Variants in PIAS1 observed in about 807,000 individuals in gnomAD.
The protein encoded by PIAS1 is E3 SUMO-protein ligase PIAS1.
Under a neutral mutation model 71.3 loss-of-function variants are expected in PIAS1, and 6 were observed. The ratio of observed to expected loss-of-function variants is 0.08; its 90% CI spans 0.05 to 0.17. The LOEUF is 0.17. PIAS1 is among the 10% of genes least tolerant of loss of function. The probability of loss-of-function intolerance (pLI) is 1.00; values close to 1 mark genes in which losing one functional copy is unlikely to be tolerated. For synonymous variants in PIAS1, 303 were observed against 292.9 expected, an observed-to-expected ratio of 1.03 and a Z score of -0.35; for missense variants, 555 against 793.6, an observed-to-expected ratio of 0.70 and a Z score of 3.61.
chr15:68,055,897 A>G (rs915368608), intron 1 of PIAS1: 1 of 701,358 alleles, frequency 1.4e-6, no homozygotes, highest in Non-Finnish European at 2.6e-6. Flanking sequence ...TTTACACTCC[A>G]AGATTCGTAT....
At chr15:68,127,052 T>A (rs1393935664) in intron 2 of PIAS1, among the ~76,000 whole-genome samples, 2 of 152,088 alleles carry the variant, frequency 1.3e-5, no homozygotes, top group Non-Finnish European at 2.9e-5. Flanking sequence ...TGCCTCAGGC[T>A]CCCGAGTAGC....
At chr15:68,153,786 T>C (rs1300742154) in intron 7 of PIAS1, 91 bp downstream of exon 7, 3 of 684,908 alleles carry the variant, frequency 4.4e-6, no homozygotes, top group Admixed American at 4.7e-5. Flanking sequence ...AGAATTTGTT[T>C]ATTCACTGGA....
chr15:68,084,408 T>C (rs995572709), intron 1 of PIAS1, among the ~76,000 whole-genome samples: 6 of 152,206 alleles, frequency 3.9e-5, no homozygotes, highest in Non-Finnish European at 5.9e-5. Flanking sequence ...TAAAAGTCTT[T>C]AGAAGTATTT....
In PIAS1 at chr15:68,189,634, G is replaced by GTA. The variant is rs201619881; in HGVS notation, c.*1803_*1804dup. The GTA allele has an allele frequency of 4.6e-5, 7 of 152,082 alleles. No homozygotes were observed. The highest frequency in any genetic ancestry group is 1.7e-4 in the African/African-American group (7 of 41,408). The allele number at this position is 152,082 out of a possible 1,614,324, so 9.4% of individuals were successfully genotyped here. ...GAAAAAAAAAAGTTGGTGTTGATAT[G>GTA]TATATGTGTGTGTGTATATATGTAT... On this transcript the variant is annotated 3_prime_UTR_variant, in exon 14 of 14. Coordinates refer to ENST00000249636, the MANE Select transcript of PIAS1 (RefSeq NM_016166.3).
At chr15:68,063,582 A>G (rs1264159628) in intron 1 of PIAS1, among the ~76,000 whole-genome samples, 4 of 152,188 alleles carry the variant, frequency 2.6e-5, no homozygotes, top group Non-Finnish European at 5.9e-5. Context: ...GGTGATTTTA[A>G]TATATTATCA....
chr15:68,089,093 G>A (rs1033433316), intron 2 of PIAS1, among the ~76,000 whole-genome samples: 2 of 152,136 alleles, frequency 1.3e-5, no homozygotes, highest in African/African-American at 4.8e-5. Context: ...TTAAGCACTA[G>A]ATTTAAACAG....
At position 68,173,869 on chromosome 15, in the gene PIAS1, A is replaced by T. The variant is rs767861365; in HGVS notation, c.1146A>T (p.Pro382=). Reference sequence around the variant, plus strand: ...GTCCTGTCTGTGATAAGAAGGCTCCATATGAACACCTTATTATTGATGGGT... The same window carrying T: ...GTCCTGTCTGTGATAAGAAGGCTCCTTATGAACACCTTATTATTGATGGGT... ...WVCPVCDKKA[P]YEHLIIDGLF... is the part of the protein sequence containing the mutation. Residue 382 remains proline (P), a synonymous_variant, in exon 9 of 14, where the codon CCA becomes CCT. Transcript: ENST00000249636. The surrounding 1 kb of genome is among the most constrained non-coding windows in gnomAD (Gnocchi z 4.3). 9 of 1,573,848 alleles carry T rather than the reference A, an allele frequency of 5.7e-6. No homozygotes were observed. The highest frequency in any genetic ancestry group is 7.8e-6 in the Non-Finnish European group (9 of 1,153,306).
chr15:68,121,703 A>G (rs1392767511), intron 2 of PIAS1, among the ~76,000 whole-genome samples: 2 of 152,016 alleles, frequency 1.3e-5, no homozygotes, highest in Non-Finnish European at 2.9e-5. Flanking sequence ...GAGATTTCCT[A>G]ATTGTTTATC....
chr15:68,161,904 G>A (rs553966858), intron 7 of PIAS1, among the ~76,000 whole-genome samples: 79 of 151,264 alleles, frequency 5.2e-4, no homozygotes, highest in African/African-American at 1.8e-3. Context: ...ACTCCAGCCT[G>A]GGTGACAGAG....
rs1288909368 is a variant in PIAS1, at chr15:68,188,889, A to G, written c.*1054A>G. 3 of 152,238 alleles carry G rather than the reference A, an allele frequency of 2.0e-5. No homozygotes were observed. The highest frequency in any genetic ancestry group is 4.4e-5 in the Non-Finnish European group (3 of 68,044). The allele number at this position is 152,238 out of a possible 1,614,324, so 9.4% of individuals were successfully genotyped here. A position where few individuals can be genotyped will look rare whatever the true frequency, so the allele number is the denominator to read the frequency against. On this transcript the variant is annotated 3_prime_UTR_variant, in exon 14 of 14. Transcript: ENST00000249636. ...GTGCAGCTGACAGAGGTAATGTTAC[A>G]TCACCTAAAAAAGAAAGATACACGG...
chr15:68,084,982 T>C (rs915714608), intron 1 of PIAS1, among the ~76,000 whole-genome samples: 1 of 152,184 alleles, frequency 6.6e-6, no homozygotes, highest in Non-Finnish European at 1.5e-5. Flanking sequence ...CTCATATTTC[T>C]TTGATTAACC....
At chr15:68,070,047 A>C (rs1413312463) in intron 1 of PIAS1, among the ~76,000 whole-genome samples, 3 of 152,142 alleles carry the variant, frequency 2.0e-5, no homozygotes, top group Non-Finnish European at 2.9e-5. Flanking sequence ...TGGAGGAAGG[A>C]GATGTGGGAG....
chr15:68,159,789 C>G (rs933723380), intron 7 of PIAS1, among the ~76,000 whole-genome samples: 1 of 152,102 alleles, frequency 6.6e-6, no homozygotes, highest in African/African-American at 2.4e-5. Context: ...TTACATTTTG[C>G]ATATGGATAC....
chr15:68,072,970 GT>G (rs1362894634), intron 1 of PIAS1, among the ~76,000 whole-genome samples: 3 of 152,056 alleles, frequency 2.0e-5, no homozygotes, highest in African/African-American at 7.2e-5. Flanking sequence ...TAGGCACTGG[GT>G]ACATTTATAT....
Position 68,173,745 on chromosome 15 carries a change from G to A in PIAS1, c.1022G>A (p.Arg341Gln), listed in dbSNP as rs770873570. 4 of 1,535,112 alleles carry A rather than the reference G, an allele frequency of 2.6e-6. No individual in the cohort carries two copies. The highest frequency in any genetic ancestry group is 3.5e-6 in the Non-Finnish European group (4 of 1,130,574). ...VSLLCPLGKMRLTIPCRALTC... is the reference protein window; with the variant it reads ...VSLLCPLGKMQLTIPCRALTC... ...CCCTTTTTAAAGCTTGGTAAAATGC[G>A]GCTGACAATTCCGTGTCGGGCCCTT... is the stretch of plus-strand genomic sequence containing the variant. Residue 341 changes from arginine (R) to glutamine (Q), a missense_variant, in exon 9 of 14, where the codon CGG becomes CAG. Coordinates refer to ENST00000249636, the MANE Select transcript of PIAS1 (RefSeq NM_016166.3). This position sits in a 1 kb window ranked among gnomAD's most constrained non-coding sequence, Gnocchi z 4.3.
At chr15:68,139,176 C>T (rs920924565) in intron 2 of PIAS1, among the ~76,000 whole-genome samples, 3 of 152,178 alleles carry the variant, frequency 2.0e-5, no homozygotes, top group Non-Finnish European at 2.9e-5. Flanking sequence ...TCACATGGCA[C>T]GTAAGTGGCA....
chr15:68,187,888 AAAG>A lies in PIAS1; in HGVS notation c.*58_*60del. On this transcript the variant is annotated 3_prime_UTR_variant, in exon 14 of 14. Coordinates refer to ENST00000249636, the MANE Select transcript of PIAS1 (RefSeq NM_016166.3). This position sits in a 1 kb window ranked among gnomAD's most constrained non-coding sequence, Gnocchi z 5.3. ...ACCCCAGATCGAATGAACTTGGCAG[AAAG>A]AAGAGAACTTTGTGCTCTGTTTTAC... 6.6e-7 allele frequency: 1 copy of A among 1,510,184 alleles called. No homozygotes were observed. The allele number at this position is 1,510,184 out of a possible 1,614,324, so 93.5% of individuals were successfully genotyped here. A position where few individuals can be genotyped will look rare whatever the true frequency, so the allele number is the denominator to read the frequency against.
At chr15:68,160,520 C>G (rs1595777948) in intron 7 of PIAS1, among the ~76,000 whole-genome samples, 1 of 152,126 alleles carries the variant, frequency 6.6e-6, no homozygotes, top group African/African-American at 2.4e-5. Context: ...GATAGTAAGT[C>G]TTGAAATCAG....
intron 2 of PIAS1, among the ~76,000 whole-genome samples, chr15:68,139,686 A>T (rs1008239899): frequency 6.6e-6 from 1 of 152,316 alleles, no homozygotes. Context: ...TAAAAAGATT[A>T]AGATTTTATA....
Sources: gnomAD v4.1 joint callset for allele counts (sites outside exome capture counted in the v4.1 genomes callset) on GRCh38, gnomAD v4.1.1 for gene constraint, Gnocchi (gnomAD v3.1) non-coding constraint, MANE v1.5 for transcripts, NCBI Gene and HGNC (gene_info 2026-07-23, HGNC 2026-07-21) for gene names.